Variants in MSI2 observed in about 807,000 individuals in gnomAD.
MSI2 encodes RNA-binding protein Musashi homolog 2.
A neutral mutation model predicts 45.6 loss-of-function variants in MSI2; 17 were observed. That is an observed-to-expected ratio of 0.37 (90% CI 0.26 to 0.56). The LOEUF (loss-of-function observed/expected upper bound fraction) is 0.56. Among genes scored for constraint, MSI2 ranks in the 20% least tolerant of loss-of-function variants. The probability of loss-of-function intolerance (pLI) is 0.77; values close to 1 mark genes in which losing one functional copy is unlikely to be tolerated. For missense variants in MSI2, 293 were observed against 444.2 expected, an observed-to-expected ratio of 0.66 and a Z score of 3.06; for synonymous variants, 156 against 158.2, an observed-to-expected ratio of 0.99 and a Z score of 0.11.
chr17:57,388,884 C>T (rs554164391), intron 5 of MSI2, among the ~76,000 whole-genome samples: 1 of 152,172 alleles, frequency 6.6e-6, no homozygotes, highest in African/African-American at 2.4e-5. Flanking sequence ...AAACTCCTGA[C>T]CTCAAGTGAT....
At chr17:57,514,149 C>T (rs2086417528) in intron 6 of MSI2, among the ~76,000 whole-genome samples, 1 of 152,104 alleles carries the variant, frequency 6.6e-6, no homozygotes, top group Non-Finnish European at 1.5e-5. Context: ...ACGTTGGCCC[C>T]TGTACTATTT....
In MSI2 at chr17:57,596,185, G is replaced by A. The variant is rs1164546119; in HGVS notation, c.455-683G>A. Among the ~76,000 whole-genome samples, 2 of 152,216 alleles carry A rather than the reference G, an allele frequency of 1.3e-5. No homozygotes were observed. The highest frequency in any genetic ancestry group is 4.8e-5 in the African/African-American group (2 of 41,450). On this transcript the variant is annotated intron_variant, in intron 7 of 13. Coordinates refer to ENST00000284073, the MANE Select transcript of MSI2 (RefSeq NM_138962.4). This position sits in a 1 kb window ranked among gnomAD's most constrained non-coding sequence, Gnocchi z 4.6. Reference sequence around the variant, plus strand: ...GAACTGAGGATACTGAGCAGCAGTCGCCTGCCAAAATTCTTCAGTGCAGCT... The same window carrying A: ...GAACTGAGGATACTGAGCAGCAGTCACCTGCCAAAATTCTTCAGTGCAGCT...
At chr17:57,302,449 A>G (rs891177544) in intron 5 of MSI2, among the ~76,000 whole-genome samples, 2 of 152,204 alleles carry the variant, frequency 1.3e-5, no homozygotes, top group Non-Finnish European at 2.9e-5. Flanking sequence ...AGTGTTAACT[A>G]TAGTCACTTG....
chr17:57,321,892 A>G (rs1913375218), intron 5 of MSI2, among the ~76,000 whole-genome samples: 1 of 151,424 alleles, frequency 6.6e-6, no homozygotes. Flanking sequence ...TGCCTCCCGG[A>G]TTCAAGTGAT....
At chr17:57,346,912 G>C (rs915890397) in intron 5 of MSI2, among the ~76,000 whole-genome samples, 2 of 152,108 alleles carry the variant, frequency 1.3e-5, no homozygotes, top group Non-Finnish European at 2.9e-5. Flanking sequence ...CAGCCAAAGT[G>C]TCCTATTTTT....
At chr17:57,282,449 G>T (rs1371582230) in intron 5 of MSI2, among the ~76,000 whole-genome samples, 1 of 152,158 alleles carries the variant, frequency 6.6e-6, no homozygotes, top group African/African-American at 2.4e-5. Context: ...AATTAGTGCT[G>T]GCCTCCTGAG....
At chr17:57,310,655 G>A (rs1478982484) in intron 5 of MSI2, among the ~76,000 whole-genome samples, 6 of 152,210 alleles carry the variant, frequency 3.9e-5, no homozygotes, top group African/African-American at 1.2e-4. Context: ...TGCAGCACAG[G>A]AAGGAACTTG....
Position 57,553,661 on chromosome 17 carries a change from A to C in MSI2, c.454+23937A>C, listed in dbSNP as rs564553129. 9.2e-5 allele frequency among the ~76,000 whole-genome samples: 14 copies of C among 152,238 alleles called. No homozygotes were observed. The South Asian group carries it at 2.9e-3, about 32-fold the overall frequency. The stretch of plus-strand genomic sequence containing the variant: ...AATCATCCTTCGATTCTCATCGCGG[A>C]GGGGCAGAGAGGAGGGTGCACGGGC... On this transcript the variant is annotated intron_variant, in intron 7 of 13. Transcript: ENST00000284073.
chr17:57,530,651 G>A (rs547613650), intron 7 of MSI2, among the ~76,000 whole-genome samples: 1 of 152,292 alleles, frequency 6.6e-6, no homozygotes, highest in Admixed American at 6.5e-5. Flanking sequence ...CTGTGAGTGA[G>A]CAGCATTTCC....
intron 6 of MSI2, among the ~76,000 whole-genome samples, chr17:57,494,870 C>G (rs146660937): frequency 1.0e-3 from 152 of 152,118 alleles, no homozygotes; most frequent in African/African-American, 3.6e-3. Flanking sequence ...GAATCCCGGT[C>G]ATGACAGAAC....
intron 5 of MSI2, among the ~76,000 whole-genome samples, chr17:57,377,066 G>A (rs574038699): frequency 7.2e-5 from 11 of 152,040 alleles, no homozygotes; most frequent in East Asian, 1.9e-4. Flanking sequence ...GACTACAGGC[G>A]CCCGCCACCA....
chr17:57,550,344 C>A (rs78598028), intron 7 of MSI2, among the ~76,000 whole-genome samples: 1,852 of 152,228 alleles, frequency 0.012, 34 homozygotes, highest in African/African-American at 0.041. Context: ...TTGACGGACA[C>A]CCCCGTTTGG....
chr17:57,477,529 T>G (rs572798822), intron 6 of MSI2, among the ~76,000 whole-genome samples: 1 of 152,214 alleles, frequency 6.6e-6, no homozygotes, highest in African/African-American at 2.4e-5. Flanking sequence ...AGCAAAGTGA[T>G]GTCGATGTCT....
intron 6 of MSI2, among the ~76,000 whole-genome samples, chr17:57,462,092 C>A (rs542493518): frequency 6.6e-6 from 1 of 152,182 alleles, no homozygotes; most frequent in Non-Finnish European, 1.5e-5. Context: ...AGGCCTCTCC[C>A]CTTGCCTCTG....
In MSI2 at chr17:57,500,365, C is replaced by G. The variant is rs369227335; in HGVS notation, c.406-29311C>G. On this transcript the variant is annotated intron_variant, in intron 6 of 13. Transcript: ENST00000284073. ...GACTTGGTGGCTCTATACCTCAGAT[C>G]TCTCTTCGCCACCATATGAAATGAG... Among the ~76,000 whole-genome samples, 65 of 151,326 alleles carry G rather than the reference C, an allele frequency of 4.3e-4. No individual in the cohort carries two copies. The East Asian group carries it at 9.3e-3, about 22-fold the overall frequency.
intron 4 of MSI2, chr17:57,260,171 T>G (rs543552301): frequency 6.6e-6 from 1 of 152,314 alleles, no homozygotes; most frequent in African/African-American, 2.4e-5. Flanking sequence ...GTTTTCTTTT[T>G]TGTTTGTTTT....
intron 5 of MSI2, among the ~76,000 whole-genome samples, chr17:57,388,647 C>T (rs2083727229): frequency 6.6e-6 from 1 of 152,102 alleles, no homozygotes; most frequent in Admixed American, 6.5e-5. Context: ...AATGGCCCTA[C>T]TCTTCTTTTT....
In MSI2 at chr17:57,550,172, A is replaced by G. The variant is rs140602010; in HGVS notation, c.454+20448A>G. 4.3e-4 allele frequency among the ~76,000 whole-genome samples: 66 copies of G among 152,294 alleles called. No individual in the cohort carries two copies. The East Asian group carries it at 0.013, about 29-fold the overall frequency. On this transcript the variant is annotated intron_variant, in intron 7 of 13. Coordinates refer to ENST00000284073, the MANE Select transcript of MSI2 (RefSeq NM_138962.4). ...AAGACAAACGCCCCTTTTAAGTGCT[A>G]TCAGTGCATGGGAGAGGGGGCTTGC...
At chr17:57,291,796 T>G (rs1598080116) in intron 5 of MSI2, among the ~76,000 whole-genome samples, 1 of 151,716 alleles carries the variant, frequency 6.6e-6, no homozygotes, top group Non-Finnish European at 1.5e-5. Context: ...ATTGAATAGG[T>G]TTTTTTTGAG....
Sources: allele counts gnomAD v4.1 joint callset (sites outside exome capture counted in the v4.1 genomes callset), GRCh38; gene constraint gnomAD v4.1.1; non-coding constraint Gnocchi (gnomAD v3.1); transcripts MANE v1.5; gene names NCBI Gene and HGNC (gene_info 2026-07-23, HGNC 2026-07-21).